The following FYB1 variants were observed in gnomAD, a reference collection of about 807,000 sequenced individuals.
FYB1 encodes FYN-binding protein 1.
Under a neutral mutation model 94.1 loss-of-function variants are expected in FYB1, and 41 were observed. The ratio of observed to expected loss-of-function variants is 0.44; its 90% CI spans 0.34 to 0.57. The LOEUF (loss-of-function observed/expected upper bound fraction) is 0.57. Among genes scored for constraint, FYB1 ranks in the 20% least tolerant of loss-of-function variants. FYB1 has a pLI of 0.02. For synonymous variants in FYB1, 367 were observed against 353.2 expected (o/e 1.04, Z -0.44); for missense variants, 1,050 against 976.8 (o/e 1.07, Z -1.00).
chr5:39,124,176 A>T, intron 13 of FYB1, 77 bp downstream of exon 13: 1 of 960,128 alleles, frequency 1.0e-6, no homozygotes, highest in Non-Finnish European at 1.6e-6. Flanking sequence ...TAATGCAGAT[A>T]CTATATCCAG....
intron 8 of FYB1, 99 bp from the exon 9 acceptor site, chr5:39,134,448 C>T: frequency 1.9e-6 from 2 of 1,068,122 alleles, no homozygotes; most frequent in East Asian, 2.6e-5. Flanking sequence ...TTAAACTTTC[C>T]CCTGATTTAT....
chr5:39,227,894 T>A (rs1750552425), intron 1 of FYB1, among the ~76,000 whole-genome samples: 1 of 152,174 alleles, frequency 6.6e-6, no homozygotes, highest in Non-Finnish European at 1.5e-5. Flanking sequence ...TTTTCTTGAA[T>A]CCCATAAGAT....
At chr5:39,252,068 A>G (rs1413853941) in intron 1 of FYB1, among the ~76,000 whole-genome samples, 2 of 152,030 alleles carry the variant, frequency 1.3e-5, no homozygotes, top group East Asian at 1.9e-4. Context: ...TGGCGTGAAC[A>G]CGGGAGGCGG....
rs542004993 is a variant in FYB1, at chr5:39,146,346, C to T, written c.1293-5205G>A. Among the ~76,000 whole-genome samples the T allele has an allele frequency of 1.2e-4, 19 of 152,248 alleles. No individual in the cohort carries two copies. In the South Asian group the frequency reaches 3.7e-3, roughly 30 times the overall value. ...CCATTATAGTGATTATTCTGTATTC[C>T]TTCGTAATTATGGGGTAATTGCTTC... On this transcript the variant is annotated intron_variant, in intron 3 of 18. Coordinates refer to ENST00000512982, the MANE Select transcript of FYB1 (RefSeq NM_001465.6).
chr5:39,127,864 C>G, intron 10 of FYB1, 57 bp from the exon 11 acceptor site: 1 of 1,494,692 alleles, frequency 6.7e-7, no homozygotes, highest in Non-Finnish European at 9.0e-7. Context: ...CCATGTAATG[C>G]TCACTCAGAT....
intron 1 of FYB1, among the ~76,000 whole-genome samples, chr5:39,232,976 A>G (rs1398714114): frequency 6.6e-6 from 1 of 152,114 alleles, no homozygotes; most frequent in Non-Finnish European, 1.5e-5. Flanking sequence ...ATTGTTGGAC[A>G]TGTGGGTTGG....
chr5:39,189,034 A>C (rs1389831085), intron 2 of FYB1, among the ~76,000 whole-genome samples: 1 of 152,178 alleles, frequency 6.6e-6, no homozygotes, highest in Non-Finnish European at 1.5e-5. Context: ...CTTCTTCTGA[A>C]TATATGACAC....
At chr5:39,139,662 A>T (rs1329401703) in intron 4 of FYB1, 1 of 152,718 alleles carries the variant, frequency 6.5e-6, no homozygotes, top group Non-Finnish European at 1.5e-5. Flanking sequence ...TAATTGGATT[A>T]AAAAAATTTA....
At chr5:39,269,527 T>C (rs1440491632) in intron 1 of FYB1, 1 of 152,432 alleles carries the variant, frequency 6.6e-6, no homozygotes, top group Non-Finnish European at 1.5e-5. Flanking sequence ...CTCAGTGACT[T>C]GCACGCTATC....
At chr5:39,225,262 T>C (rs1238029376) in intron 1 of FYB1, among the ~76,000 whole-genome samples, 2 of 152,218 alleles carry the variant, frequency 1.3e-5, no homozygotes, top group Admixed American at 1.3e-4. Context: ...TGTATGTGTC[T>C]GTTACAACAT....
intron 16 of FYB1, among the ~76,000 whole-genome samples, chr5:39,111,527 A>T (rs1199448260): frequency 1.3e-5 from 2 of 151,966 alleles, no homozygotes; most frequent in Non-Finnish European, 2.9e-5. Flanking sequence ...GAATTTATAC[A>T]TTAAAATTTA....
chr5:39,202,009 A>G lies in FYB1; in HGVS notation c.952T>C (p.Ser318Pro). 5.6e-6 allele frequency: 9 copies of G among 1,613,978 alleles called. No homozygotes were observed. Among genetic ancestry groups the G allele is most frequent in the Non-Finnish European group, 6.8e-6 (8 of 1,179,886 alleles). Residue 318 changes from serine to proline, a missense_variant, in exon 2 of 19, where the codon TCT becomes CCT. Ser to Pro is a moderately conservative substitution (Grantham distance 74). Coordinates refer to ENST00000512982, the MANE Select transcript of FYB1 (RefSeq NM_001465.6). The part of the protein sequence containing the change: ...TPPARFPKAP[S>P]KLTVGGPWGQ... ...CATGGCCCCCCCACTGTCAGCTTAG[A>G]AGGGGCCTTAGGGAACCTGGCAGGA...
chr5:39,203,691 T>A (rs1748587578), intron 1 of FYB1, among the ~76,000 whole-genome samples: 1 of 152,182 alleles, frequency 6.6e-6, no homozygotes, highest in African/African-American at 2.4e-5. Context: ...GTTTAGAGGT[T>A]ATGGTCTGGA....
chr5:39,195,912 AC>A (rs763305358), intron 2 of FYB1, among the ~76,000 whole-genome samples: 62 of 152,138 alleles, frequency 4.1e-4, no homozygotes, highest in Non-Finnish European at 4.6e-4. Context: ...TTTAAAAAAA[AC>A]GTTTAGTCTT....
At chr5:39,115,127 G>A (rs6896982) in intron 16 of FYB1, among the ~76,000 whole-genome samples, 1 of 148,188 alleles carries the variant, frequency 6.7e-6, no homozygotes, top group African/African-American at 2.5e-5. Context: ...ATGGCGTCTC[G>A]CTCTGTCACC....
At chr5:39,129,639 G>A (rs1741007068) in intron 10 of FYB1, among the ~76,000 whole-genome samples, 1 of 151,834 alleles carries the variant, frequency 6.6e-6, no homozygotes, top group African/African-American at 2.4e-5. Context: ...CCATAAAAAG[G>A]TGGGCAAAGG....
chr5:39,155,714 A>G (rs1248149935), intron 2 of FYB1, among the ~76,000 whole-genome samples: 1 of 152,048 alleles, frequency 6.6e-6, no homozygotes, highest in Non-Finnish European at 1.5e-5. Flanking sequence ...TAAATTTAAC[A>G]CTTTAAAATT....
intron 3 of FYB1, among the ~76,000 whole-genome samples, chr5:39,145,383 A>G (rs1375384860): frequency 6.6e-6 from 1 of 152,190 alleles, no homozygotes; most frequent in Non-Finnish European, 1.5e-5. Flanking sequence ...ACGCAATATG[A>G]AACATCGCAA....
At chr5:39,125,831 G>A in intron 12 of FYB1, 167 bp downstream of exon 12, 2 of 602,868 alleles carry the variant, frequency 3.3e-6, no homozygotes, top group Non-Finnish European at 5.7e-6. Context: ...TAATGCAGGA[G>A]CTTAAAGGTG....
Sources: gnomAD v4.1 joint callset for allele counts (sites outside exome capture counted in the v4.1 genomes callset) on GRCh38, gnomAD v4.1.1 for gene constraint, MANE v1.5 for transcripts, NCBI Gene and HGNC (gene_info 2026-07-23, HGNC 2026-07-21) for gene names.